Variants in ZDHHC20 observed in about 807,000 individuals in gnomAD.
ZDHHC20 encodes palmitoyltransferase ZDHHC20.
In ZDHHC20, 43 loss-of-function variants were observed where a neutral mutation model predicts 57.8. The ratio of observed to expected loss-of-function variants is 0.74; its 90% CI spans 0.58 to 0.96. The LOEUF is 0.96. ZDHHC20 is among the 40% of genes least tolerant of loss of function. The probability of loss-of-function intolerance (pLI) is 0.00; values close to 1 mark genes in which losing one functional copy is unlikely to be tolerated. For missense variants in ZDHHC20, 391 were observed against 441.1 expected (o/e 0.89, Z 1.02); for synonymous variants, 157 against 153.0 (o/e 1.03, Z -0.19).
At chr13:21,382,803 C>T in intron 10 of ZDHHC20, 117 bp downstream of exon 10, 3 of 807,718 alleles carry the variant, frequency 3.7e-6, no homozygotes, top group Non-Finnish European at 5.7e-6. Context: ...TTTCTCTTTC[C>T]CTAACTATGC....
intron 4 of ZDHHC20, among the ~76,000 whole-genome samples, chr13:21,411,783 G>A (rs1240895120): frequency 6.6e-6 from 1 of 152,218 alleles, no homozygotes; most frequent in Non-Finnish European, 1.5e-5. Flanking sequence ...TGTGAGGGTA[G>A]TGTTTTTCAT....
intron 3 of ZDHHC20, among the ~76,000 whole-genome samples, chr13:21,420,165 T>C (rs961186012): frequency 7.9e-5 from 12 of 152,120 alleles, no homozygotes; most frequent in African/African-American, 2.4e-4. Flanking sequence ...TGCGTGCCTG[T>C]AATCCCAGCT....
chr13:21,403,822 G>C (rs1301963173), intron 4 of ZDHHC20, among the ~76,000 whole-genome samples: 4 of 152,110 alleles, frequency 2.6e-5, no homozygotes, highest in Non-Finnish European at 5.9e-5. Flanking sequence ...CGAGTAGCTG[G>C]GACAACAGGT....
intron 2 of ZDHHC20, among the ~76,000 whole-genome samples, chr13:21,424,060 T>C (rs1018843519): frequency 2.0e-5 from 3 of 152,194 alleles, no homozygotes; most frequent in Non-Finnish European, 2.9e-5. Flanking sequence ...CTTAAAAATA[T>C]ATTCTGTTAA....
Position 21,421,186 on chromosome 13 carries a change from C to T in ZDHHC20, c.146-22G>A, listed in dbSNP as rs1182266891. 4.4e-6 allele frequency: 7 copies of T among 1,595,738 alleles called. No homozygotes were observed. In the South Asian group the frequency reaches 4.5e-5, roughly 10 times the overall value. On this transcript the variant is annotated intron_variant, in intron 2 of 12. Transcript: ENST00000400590. ...TTTCCTGGTAAATAAAAACAAATAA[C>T]AGTTCATTGAATCCAGGTGAAAACA...
At chr13:21,428,920 C>A (rs759388096) in intron 1 of ZDHHC20, among the ~76,000 whole-genome samples, 6 of 151,946 alleles carry the variant, frequency 3.9e-5, no homozygotes, top group Non-Finnish European at 8.8e-5. Flanking sequence ...CCAACAACAA[C>A]AAAAATTATT....
chr13:21,434,462 T>C (rs987739378), intron 1 of ZDHHC20, among the ~76,000 whole-genome samples: 1 of 152,228 alleles, frequency 6.6e-6, no homozygotes, highest in African/African-American at 2.4e-5. Context: ...ACAAACATTA[T>C]TCCTCATTTA....
chr13:21,433,952 T>C lies in ZDHHC20; in HGVS notation c.119-8274A>G, dbSNP rs139351489. ...TGCTATAGAATAGTATTTAGAAATA[T>C]GTTTTAGTTTTTTTATTGACCTTGT... On this transcript the variant is annotated intron_variant, in intron 1 of 12. Transcript: ENST00000400590. Among the ~76,000 whole-genome samples, 589 of 152,310 alleles carry C rather than the reference T, an allele frequency of 3.9e-3. 7 individuals are homozygous for C. The highest frequency in any genetic ancestry group is 0.01 in the Middle Eastern group (3 of 294).
chr13:21,392,223 A>C (rs897801709), intron 7 of ZDHHC20, among the ~76,000 whole-genome samples: 2 of 152,036 alleles, frequency 1.3e-5, no homozygotes, highest in African/African-American at 2.4e-5. Context: ...AAAAAAAAAA[A>C]AAAAACAATA....
chr13:21,456,067 T>C (rs1421224350), intron 1 of ZDHHC20, among the ~76,000 whole-genome samples: 2 of 152,182 alleles, frequency 1.3e-5, no homozygotes, highest in Non-Finnish European at 2.9e-5. Context: ...AAAGATATAA[T>C]TATGATCTTC....
intron 6 of ZDHHC20, 81 bp from the exon 7 acceptor site, chr13:21,400,574 C>CA: frequency 7.0e-7 from 1 of 1,433,912 alleles, no homozygotes; most frequent in African/African-American, 1.5e-5. Flanking sequence ...TGGAGGCTGC[C>CA]AGGGGCTGGT....
In ZDHHC20 at chr13:21,391,861, A is replaced by G; in HGVS notation, c.595-7T>C. ...GTGTATCTGTCAGTTCATTCTGAGG[A>G]AAAAAAGAAGTTAATTTTGAGGTCA... On this transcript the variant is annotated splice_polypyrimidine_tract_variant and splice_region_variant and intron_variant, in intron 7 of 12. Coordinates refer to ENST00000400590, the MANE Select transcript of ZDHHC20 (RefSeq NM_001330059.2). 1.2e-6 allele frequency: 2 copies of G among 1,605,862 alleles called. No individual in the cohort carries two copies. The highest frequency in any genetic ancestry group is 1.7e-6 in the Non-Finnish European group (2 of 1,177,026).
intron 9 of ZDHHC20, among the ~76,000 whole-genome samples, chr13:21,386,834 C>A (rs1874607779): frequency 6.6e-6 from 1 of 152,162 alleles, no homozygotes; most frequent in African/African-American, 2.4e-5. Context: ...CAGGCATGAC[C>A]CACTGTGTCT....
chr13:21,435,425 G>C (rs1433856915), intron 1 of ZDHHC20, among the ~76,000 whole-genome samples: 1 of 152,040 alleles, frequency 6.6e-6, no homozygotes, highest in African/African-American at 2.4e-5. Context: ...TATATTGCCA[G>C]AAAGAAAGGA....
intron 3 of ZDHHC20, among the ~76,000 whole-genome samples, chr13:21,415,664 A>G (rs1016189452): frequency 1.3e-5 from 2 of 152,244 alleles, no homozygotes; most frequent in African/African-American, 4.8e-5. Flanking sequence ...CTCTTTTAAG[A>G]GAATTTTAAC....
rs564117843 is a variant in ZDHHC20, at chr13:21,374,959, CCTCGT to C, written c.*1732_*1736del. ...GATCAGCCTGGTCAACATGGTGAAA[CCTCGT>C]CTCTTCTAAAAATGTGAAAATTAGC... On this transcript the variant is annotated 3_prime_UTR_variant, in exon 13 of 13. Coordinates refer to ENST00000400590, the MANE Select transcript of ZDHHC20 (RefSeq NM_001330059.2). 1.2e-3 allele frequency: 421 copies of C among 360,104 alleles called. No homozygotes were observed. The highest frequency in any genetic ancestry group is 1.9e-3 in the Admixed American group (51 of 26,988). 22.3% of individuals were successfully genotyped at this position (360,104 alleles called of 1,614,324 possible). A position where few individuals can be genotyped will look rare whatever the true frequency, so the allele number is the denominator to read the frequency against.
intron 3 of ZDHHC20, among the ~76,000 whole-genome samples, chr13:21,415,406 A>G (rs1879831563): frequency 6.6e-6 from 1 of 152,248 alleles, no homozygotes; most frequent in Non-Finnish European, 1.5e-5. Context: ...TTCCACAAGC[A>G]AAGTGTGATG....
intron 7 of ZDHHC20, among the ~76,000 whole-genome samples, chr13:21,393,455 G>A (rs1471102321): frequency 2.7e-5 from 4 of 146,182 alleles, no homozygotes; most frequent in Admixed American, 6.9e-5. Context: ...AGCCAAGATC[G>A]CACTGCTGCA....
chr13:21,422,946 CA>C (rs1880810538), intron 2 of ZDHHC20, among the ~76,000 whole-genome samples: 1 of 152,136 alleles, frequency 6.6e-6, no homozygotes, highest in South Asian at 2.1e-4. Context: ...AACTAGAAGG[CA>C]TATAATCTAT....
Sources: allele counts gnomAD v4.1 joint callset (sites outside exome capture counted in the v4.1 genomes callset), GRCh38; gene constraint gnomAD v4.1.1; transcripts MANE v1.5; gene names NCBI Gene and HGNC (gene_info 2026-07-23, HGNC 2026-07-21).